DTHD1: variants seen among roughly 807,000 people sequenced by gnomAD.
DTHD1 encodes death domain containing 1.
DTHD1 carries 59 observed loss-of-function variants against 74.8 expected under a neutral mutation model. The ratio of observed to expected loss-of-function variants is 0.79; its 90% CI spans 0.64 to 0.98. The LOEUF is 0.98. Among genes scored for constraint, DTHD1 ranks in the 50% least tolerant of loss-of-function variants. The probability of loss-of-function intolerance (pLI) is 0.00; values close to 1 mark genes in which losing one functional copy is unlikely to be tolerated. For missense variants in DTHD1, 1,051 were observed against 1,065.4 expected (o/e 0.99, Z 0.19); for synonymous variants, 365 against 371.1 (o/e 0.98, Z 0.19).
At chr4:36,308,182 C>G in intron 6 of DTHD1, 22 bp from the exon 7 acceptor site, 1 of 1,544,700 alleles carries the variant, frequency 6.5e-7, no homozygotes, top group Non-Finnish European at 8.7e-7. Context: ...TCCCTGGGGT[C>G]TCACCTCTTT....
chr4:36,282,778 A>T (rs1423618698), intron 1 of DTHD1, among the ~76,000 whole-genome samples: 1 of 152,222 alleles, frequency 6.6e-6, no homozygotes, highest in East Asian at 1.9e-4. Flanking sequence ...TGATGTTAAG[A>T]AATTCAATCT....
At chr4:36,326,606 T>A (rs1271943485) in intron 8 of DTHD1, among the ~76,000 whole-genome samples, 1 of 152,228 alleles carries the variant, frequency 6.6e-6, no homozygotes, top group Non-Finnish European at 1.5e-5. Flanking sequence ...GCACTGCTCA[T>A]TCAATTTTGT....
In DTHD1 at chr4:36,282,022, G is replaced by A. The variant is rs914759843; in HGVS notation, c.264G>A (p.Ser88=). 2.2e-5 allele frequency: 33 copies of A among 1,522,482 alleles called. No homozygotes were observed. The highest frequency in any genetic ancestry group is 2.7e-5 in the Non-Finnish European group (31 of 1,131,680). 94.3% of individuals were successfully genotyped at this position (1,522,482 alleles called of 1,614,324 possible). A position where few individuals can be genotyped will look rare whatever the true frequency, so the allele number is the denominator to read the frequency against. Residue 88 remains serine (S), a synonymous_variant, in exon 1 of 10, where the codon TCG becomes TCA. Coordinates refer to ENST00000639862, the MANE Select transcript of DTHD1 (RefSeq NM_001170700.3). ...VLLDKENQCV[S]RKEIITFIDC... is the part of the protein sequence containing the mutation. The stretch of plus-strand genomic sequence containing the variant: ...TTGACAAAGAGAATCAATGTGTCTC[G>A]AGAAAAGGCAAGTATTCTTTTTTTT...
rs1759479736 is a variant in DTHD1 at position 36,344,228 on chromosome 4, A to T, written c.*404A>T. 5.7e-6 allele frequency: 1 copy of T among 175,500 alleles called. No individual in the cohort carries two copies. Among genetic ancestry groups the T allele is most frequent in the Non-Finnish European group, 1.2e-5 (1 of 81,354 alleles). The allele number at this position is 175,500 out of a possible 1,614,324, so 10.9% of individuals were successfully genotyped here. A position where few individuals can be genotyped will look rare whatever the true frequency, so the allele number is the denominator to read the frequency against. The stretch of plus-strand genomic sequence containing the variant: ...GTGTGAGCCCAAAAATATCTGAGAC[A>T]GTTCTCAATCAATTTAGAAAGATTA... On this transcript the variant is annotated 3_prime_UTR_variant, in exon 10 of 10. Transcript: ENST00000639862.
rs1757191808 is a variant in DTHD1, at chr4:36,308,469, T to C, written c.2071T>C (p.Phe691Leu). Residue 691 changes from phenylalanine to leucine, a missense_variant, in exon 7 of 10, where the codon TTT (phenylalanine) becomes CTT (leucine). Physicochemically the swap from Phe to Leu is conservative, Grantham distance 22. Transcript: ENST00000639862. Reference protein sequence around the residue: ...VREGEQLLLRFTGNIFASSNG... With the variant: ...VREGEQLLLRLTGNIFASSNG... ...AGAAGGAGAACAACTTCTTTTAAGA[T>C]TTACTGGAAACATATTTGCTTCAAG... 6.4e-7 allele frequency: 1 copy of C among 1,551,292 alleles called. No homozygotes were observed. The highest frequency in any genetic ancestry group is 8.7e-7 in the Non-Finnish European group (1 of 1,146,686).
chr4:36,290,652 A>G lies in DTHD1; in HGVS notation c.1167A>G (p.Gln389=), dbSNP rs1020871694. Residue 389 remains glutamine, a synonymous_variant, in exon 3 of 10, where the codon CAA becomes CAG. Coordinates refer to ENST00000639862, the MANE Select transcript of DTHD1 (RefSeq NM_001170700.3). ...IMVKVCDINL[Q]SSYLNPNSLE... The stretch of plus-strand genomic sequence containing the variant: ...TGAAAGTGTGTGACATAAACCTTCA[A>G]TCAAGTTACCTAAACCCAAATTCAC... 3.9e-6 allele frequency: 6 copies of G among 1,546,492 alleles called. No homozygotes were observed. In the African/African-American group the frequency reaches 5.5e-5, roughly 14 times the overall value.
At chr4:36,327,597 C>T (rs866794218) in intron 8 of DTHD1, among the ~76,000 whole-genome samples, 1 of 152,148 alleles carries the variant, frequency 6.6e-6, no homozygotes, top group Non-Finnish European at 1.5e-5. Flanking sequence ...ATTTATGGAG[C>T]GCTTGCATGT....
At chr4:36,339,408 T>C (rs765812019) in intron 9 of DTHD1, among the ~76,000 whole-genome samples, 8 of 152,236 alleles carry the variant, frequency 5.3e-5, no homozygotes, top group Non-Finnish European at 1.0e-4. Flanking sequence ...AATATAAATG[T>C]TACTGAGTTT....
chr4:36,287,965 C>T (rs1755815928), intron 2 of DTHD1, among the ~76,000 whole-genome samples: 1 of 152,064 alleles, frequency 6.6e-6, no homozygotes, highest in South Asian at 2.1e-4. Context: ...GTTTATGTTG[C>T]TGTGTAGAAG....
chr4:36,298,363 A>T (rs542262202), intron 5 of DTHD1, among the ~76,000 whole-genome samples: 9 of 152,318 alleles, frequency 5.9e-5, no homozygotes, highest in African/African-American at 1.9e-4. Context: ...AACTCGTGGA[A>T]ATGTAAATTG....
intron 3 of DTHD1, 80 bp downstream of exon 3, chr4:36,290,783 T>G: frequency 9.0e-7 from 1 of 1,114,208 alleles, no homozygotes; most frequent in Non-Finnish European, 1.2e-6. Context: ...GATTGTAGTG[T>G]AGATATAATT....
intron 9 of DTHD1, 123 bp from the exon 10 acceptor site, chr4:36,343,378 TC>T: frequency 1.2e-6 from 1 of 864,526 alleles, no homozygotes; most frequent in Non-Finnish European, 1.7e-6. Context: ...GTCTCATATC[TC>T]TGCACTGCTC....
chr4:36,337,798 T>G (rs1759095118), intron 8 of DTHD1, among the ~76,000 whole-genome samples: 3 of 152,230 alleles, frequency 2.0e-5, no homozygotes, highest in Admixed American at 2.0e-4. Context: ...GGAAGCAGTA[T>G]GCTACTCATT....
intron 2 of DTHD1, among the ~76,000 whole-genome samples, chr4:36,288,799 C>T (rs1755877226): frequency 6.6e-6 from 1 of 152,184 alleles, no homozygotes; most frequent in African/African-American, 2.4e-5. Flanking sequence ...AGTTGAGAAA[C>T]ATAACTCCTG....
chr4:36,336,838 G>C (rs775339283), intron 8 of DTHD1, among the ~76,000 whole-genome samples: 13 of 152,216 alleles, frequency 8.5e-5, no homozygotes, highest in Non-Finnish European at 1.9e-4. Context: ...TGCATTTTGA[G>C]GTTGGGATAC....
chr4:36,306,389 C>G, intron 6 of DTHD1, 37 bp downstream of exon 6: 1 of 1,500,768 alleles, frequency 6.7e-7, no homozygotes, highest in South Asian at 1.3e-5. Context: ...TGATGATACT[C>G]TTTCTGATGG....
At chr4:36,335,200 G>A (rs1003613051) in intron 8 of DTHD1, among the ~76,000 whole-genome samples, 4 of 152,164 alleles carry the variant, frequency 2.6e-5, no homozygotes, top group Middle Eastern at 3.4e-3. Context: ...ATCGAGAGAC[G>A]ATATCATCAT....
chr4:36,301,806 T>C (rs1416093810), intron 5 of DTHD1, among the ~76,000 whole-genome samples: 1 of 152,110 alleles, frequency 6.6e-6, no homozygotes, highest in Non-Finnish European at 1.5e-5. Context: ...CCCTTTTTTT[T>C]TTTCCTGAGG....
rs970653490 is a variant in DTHD1 at position 36,284,324 on chromosome 4, C to T, written c.620C>T (p.Ser207Leu). Residue 207 changes from serine (S) to leucine (L), a missense_variant, in exon 2 of 10, where the codon TCA becomes TTA. Physicochemically the swap from Ser to Leu is moderately radical, Grantham distance 145. Coordinates refer to ENST00000639862, the MANE Select transcript of DTHD1 (RefSeq NM_001170700.3). ...GGACGTGTACTGGGGCAAGAAGAGT[C>T]ACAGAATAAAATGTTCCCAGATAAT... ...LNGRVLGQEE[S>L]QNKMFPDNAE... is the part of the protein sequence containing the mutation. 6.5e-7 allele frequency: 1 copy of T among 1,537,080 alleles called. No individual in the cohort carries two copies. Among genetic ancestry groups the T allele is most frequent in the Admixed American group, 2.0e-5 (1 of 50,988 alleles).
Sources: gnomAD v4.1 joint callset for allele counts (sites outside exome capture counted in the v4.1 genomes callset) on GRCh38, gnomAD v4.1.1 for gene constraint, MANE v1.5 for transcripts, NCBI Gene and HGNC (gene_info 2026-07-23, HGNC 2026-07-21) for gene names.